NCKAP5: variants seen among roughly 807,000 people sequenced by gnomAD.
The protein encoded by NCKAP5 is NCK associated protein 5.
Under a neutral mutation model 167.0 loss-of-function variants are expected in NCKAP5, and 92 were observed. The ratio of observed to expected loss-of-function variants is 0.55; its 90% CI spans 0.47 to 0.66. The LOEUF is 0.66. NCKAP5 is among the 30% of genes least tolerant of loss of function. The pLI is 0.00. For synonymous variants in NCKAP5, 891 were observed against 877.4 expected (o/e 1.02, Z -0.27); for missense variants, 2,378 against 2,315.0 (o/e 1.03, Z -0.56).
At chr2:133,155,189 C>T (rs1240631365) in intron 5 of NCKAP5, among the ~76,000 whole-genome samples, 1 of 152,156 alleles carries the variant, frequency 6.6e-6, no homozygotes, top group African/African-American at 2.4e-5. Context: ...CCTCTGGCTT[C>T]CTGTGAAGTC....
intron 19 of NCKAP5, among the ~76,000 whole-genome samples, chr2:132,723,119 G>C (rs566910742): frequency 6.6e-6 from 1 of 150,398 alleles, no homozygotes; most frequent in East Asian, 2.0e-4. Context: ...GAGCCACCAT[G>C]CCTGGCCTGA....
At chr2:132,710,520 A>T (rs2105315730) in intron 19 of NCKAP5, among the ~76,000 whole-genome samples, 1 of 152,280 alleles carries the variant, frequency 6.6e-6, no homozygotes, top group Non-Finnish European at 1.5e-5. Flanking sequence ...TCCCACCCCA[A>T]AGCCATTATC....
rs368871730 is a variant in NCKAP5, at chr2:132,932,921, CT to C, written c.579+30798del. Among the ~76,000 whole-genome samples the C allele has an allele frequency of 3.2e-3, 387 of 119,968 alleles. 2 individuals are homozygous for C. Among genetic ancestry groups the C allele is most frequent in the African/African-American group, 8.8e-3 (255 of 28,830 alleles). 78.7% of individuals were successfully genotyped at this position (119,968 alleles called of 152,430 possible). On this transcript the variant is annotated intron_variant, in intron 8 of 19. Coordinates refer to ENST00000409261, the MANE Select transcript of NCKAP5 (RefSeq NM_207363.3). Reference sequence around the variant, plus strand: ...GCAAATCTTTCCTGATTATCCTCTACTTTTTTTTTTTTTTTTTTTTTGAGAC... The same window carrying C: ...GCAAATCTTTCCTGATTATCCTCTACTTTTTTTTTTTTTTTTTTTTGAGAC...
At chr2:133,561,607 A>G (rs1416654164) in intron 1 of NCKAP5, among the ~76,000 whole-genome samples, 1 of 152,192 alleles carries the variant, frequency 6.6e-6, no homozygotes, top group Non-Finnish European at 1.5e-5. Context: ...AATAAACCAG[A>G]TCGTTTCTAT....
chr2:132,763,354 C>T (rs987375254), intron 16 of NCKAP5, among the ~76,000 whole-genome samples: 64 of 152,168 alleles, frequency 4.2e-4, no homozygotes, highest in Non-Finnish European at 2.9e-5. Flanking sequence ...CTCCCCTACC[C>T]TCCAGTGTGC....
At chr2:133,528,102 A>G (rs2104811394) in intron 2 of NCKAP5, among the ~76,000 whole-genome samples, 1 of 152,272 alleles carries the variant, frequency 6.6e-6, no homozygotes, top group South Asian at 2.1e-4. Flanking sequence ...ACAGTAAACT[A>G]GTCAATGACC....
chr2:132,890,993 AC>A (rs1158943646), intron 8 of NCKAP5, among the ~76,000 whole-genome samples: 1 of 152,244 alleles, frequency 6.6e-6, no homozygotes, highest in Non-Finnish European at 1.5e-5. Context: ...TAGGTTTAGG[AC>A]CAGCACAAGA....
chr2:132,975,297 AAG>A (rs2076947597), intron 7 of NCKAP5, among the ~76,000 whole-genome samples: 1 of 152,210 alleles, frequency 6.6e-6, no homozygotes, highest in African/African-American at 2.4e-5. Flanking sequence ...TATGATGGAT[AAG>A]AGAACAAAGT....
In NCKAP5 at chr2:132,784,621, A is replaced by G. The variant is rs1683385631; in HGVS notation, c.2190T>C (p.Thr730=). The stretch of plus-strand genomic sequence containing the variant: ...TGTCCTCTTCAGACCTTTTAAAGAA[A>G]GTATAGTCTCTTGCAGCAGCTCTTG... ...LQPRAAARDY[T]FFKRSEEDTE... The change falls in exon 14 of 20, where the codon ACT becomes ACC. Residue 730 remains threonine (T), a synonymous_variant. Transcript: ENST00000409261. 6.2e-7 allele frequency: 1 copy of G among 1,610,174 alleles called. No individual in the cohort carries two copies. The highest frequency in any genetic ancestry group is 1.7e-5 in the Admixed American group (1 of 59,338).
chr2:133,631,802 T>G, the NCKAP5 span, among the ~76,000 whole-genome samples: 1 of 152,118 alleles, frequency 6.6e-6, no homozygotes. Flanking sequence ...CTGTCAATCT[T>G]TCTGGAAAAG....
intron 7 of NCKAP5, among the ~76,000 whole-genome samples, chr2:132,978,151 C>T (rs889063684): frequency 3.9e-5 from 6 of 152,200 alleles, no homozygotes; most frequent in Admixed American, 6.5e-5. Flanking sequence ...GAAAAAGCAA[C>T]AGAAAAGTGC....
chr2:132,960,210 A>G (rs560978086), intron 8 of NCKAP5, among the ~76,000 whole-genome samples: 11 of 152,310 alleles, frequency 7.2e-5, no homozygotes, highest in South Asian at 2.1e-4. Context: ...AGGAAGGTAA[A>G]GGTCTTAATT....
At chr2:133,013,056 G>C (rs2078217308) in intron 6 of NCKAP5, among the ~76,000 whole-genome samples, 2 of 152,298 alleles carry the variant, frequency 1.3e-5, no homozygotes, top group Admixed American at 6.5e-5. Context: ...GGAGTATAAA[G>C]CCTGGGAACT....
Position 133,367,130 on chromosome 2 carries a change from A to G in NCKAP5, c.70-64020T>C, listed in dbSNP as rs899475438. Among the ~76,000 whole-genome samples, 5 of 152,230 alleles carry G rather than the reference A, an allele frequency of 3.3e-5. No individual in the cohort carries two copies. The South Asian group carries it at 1.0e-3, about 32-fold the overall frequency. On this transcript the variant is annotated intron_variant, in intron 3 of 19. Coordinates refer to ENST00000409261, the MANE Select transcript of NCKAP5 (RefSeq NM_207363.3). The stretch of plus-strand genomic sequence containing the variant: ...TGACCAGAAAAGAAAACCAGAACAA[A>G]ACAACAGCAGAAACATCAACAACAA...
At chr2:132,968,132 T>C (rs1298730212) in intron 7 of NCKAP5, among the ~76,000 whole-genome samples, 1 of 152,092 alleles carries the variant, frequency 6.6e-6, no homozygotes, top group Admixed American at 6.5e-5. Flanking sequence ...AGCTGGACCA[T>C]AGAGGGTCTT....
In NCKAP5 at chr2:132,785,477, C is replaced by A. The variant is rs77829664; in HGVS notation, c.1334G>T (p.Ser445Ile). 1 of 1,613,332 alleles carries A rather than the reference C, an allele frequency of 6.2e-7. No homozygotes were observed. Among genetic ancestry groups the A allele is most frequent in the Middle Eastern group, 1.7e-4 (1 of 6,054 alleles). The change falls in exon 14 of 20, where the codon AGC becomes ATC. Residue 445 changes from serine to isoleucine, a missense_variant. By Grantham distance (142) the Ser-to-Ile change is moderately radical (BLOSUM62 -2). This residue lies in a region of NCKAP5 where 1,049 missense variants were observed against 1,023.4 expected (regional missense o/e 1.02). Transcript: ENST00000409261. Reference sequence around the variant, plus strand: ...TTTGCAGGGGGGATACTCCTTGAGGCTGCTACTTTTAATTCCAGGAGAATA... The same window carrying A: ...TTTGCAGGGGGGATACTCCTTGAGGATGCTACTTTTAATTCCAGGAGAATA... ...GIYSPGIKSSSLKEYPPCKTA... is the reference protein window; with the variant it reads ...GIYSPGIKSSILKEYPPCKTA...
chr2:133,140,271 G>A (rs1242894626), intron 5 of NCKAP5, among the ~76,000 whole-genome samples: 4 of 152,078 alleles, frequency 2.6e-5, no homozygotes, highest in Non-Finnish European at 5.9e-5. Context: ...AGCATTTCAG[G>A]TTTTTTGTTT....
intron 4 of NCKAP5, among the ~76,000 whole-genome samples, chr2:133,248,518 G>T (rs2088125768): frequency 6.6e-6 from 1 of 152,178 alleles, no homozygotes; most frequent in Admixed American, 6.5e-5. Flanking sequence ...AGGGCCTCTG[G>T]TCCACTGGGA....
At position 133,432,881 on chromosome 2, in the gene NCKAP5, T is replaced by C. The variant is rs12465741; in HGVS notation, c.69+84577A>G. Among the ~76,000 whole-genome samples, 271 of 152,342 alleles carry C rather than the reference T, an allele frequency of 1.8e-3. 1 individual carries two copies. Among genetic ancestry groups the C allele is most frequent in the Non-Finnish European group, 3.1e-3 (212 of 68,022 alleles). On this transcript the variant is annotated intron_variant, in intron 3 of 19. Transcript: ENST00000409261. ...CTTTTATTTCTACATTTCTGGGGATTCAAGTTGCTTCTTTTGTAGTATTTT... is the reference window on the plus strand; with the variant it reads ...CTTTTATTTCTACATTTCTGGGGATCCAAGTTGCTTCTTTTGTAGTATTTT...
Sources: gnomAD v4.1 joint callset for allele counts (sites outside exome capture counted in the v4.1 genomes callset) on GRCh38, gnomAD v4.1.1 for gene constraint, gnomAD v4.1.1 regional missense constraint, MANE v1.5 for transcripts, NCBI Gene and HGNC (gene_info 2026-07-23, HGNC 2026-07-21) for gene names.